USP34: variants seen among roughly 807,000 people sequenced by gnomAD.
The protein encoded by USP34 is ubiquitin specific peptidase 34.
In USP34, 70 loss-of-function variants were observed where a neutral mutation model predicts 460.3. The ratio of observed to expected loss-of-function variants is 0.15; its 90% CI spans 0.13 to 0.19. The LOEUF is 0.19. Ranked by LOEUF, USP34 falls within the 10% of genes least tolerant of loss-of-function variation. The pLI is 1.00. For synonymous variants in USP34, 1,647 were observed against 1,405.3 expected, an observed-to-expected ratio of 1.17 and a Z score of -3.85; for missense variants, 3,985 against 4,236.2, an observed-to-expected ratio of 0.94 and a Z score of 1.65.
intron 34 of USP34, among the ~76,000 whole-genome samples, chr2:61,286,741 G>A (rs1297734749): frequency 1.3e-5 from 2 of 152,154 alleles, no homozygotes; most frequent in Non-Finnish European, 2.9e-5. Flanking sequence ...AGTCACCTAT[G>A]ACTAGGGAAA....
At chr2:61,433,341 A>G (rs1033627744) in intron 1 of USP34, among the ~76,000 whole-genome samples, 12 of 152,184 alleles carry the variant, frequency 7.9e-5, no homozygotes, top group Admixed American at 7.9e-4. Context: ...ACTCCTTACA[A>G]GTGGCGAATC....
At chr2:61,295,128 G>A in intron 31 of USP34, 40 bp downstream of exon 31, 1 of 1,598,418 alleles carries the variant, frequency 6.3e-7, no homozygotes, top group African/African-American at 1.4e-5. Flanking sequence ...GCTCCAGAGA[G>A]AATACAAACA....
chr2:61,344,136 C>G, intron 15 of USP34, 107 bp from the exon 16 acceptor site: 1 of 977,632 alleles, frequency 1.0e-6, no homozygotes, highest in Non-Finnish European at 1.5e-6. Context: ...AGAAACAAAC[C>G]GACATCTGCT....
intron 15 of USP34, among the ~76,000 whole-genome samples, chr2:61,347,363 G>A (rs1232276306): frequency 6.6e-6 from 1 of 151,930 alleles, no homozygotes; most frequent in Non-Finnish European, 1.5e-5. Context: ...TTAACAACCT[G>A]GTTTTTTATT....
At chr2:61,334,051 A>G (rs1479496535) in intron 18 of USP34, 80 bp from the exon 19 acceptor site, 23 of 1,000,624 alleles carry the variant, frequency 2.3e-5, no homozygotes, top group Non-Finnish European at 3.3e-5. Flanking sequence ...TTTAAATGCT[A>G]AAAGATTTAA....
At chr2:61,239,300 T>TCTCACACACA (rs1213558114) in intron 53 of USP34, among the ~76,000 whole-genome samples, 186 of 132,854 alleles carry the variant, frequency 1.4e-3, no homozygotes, top group African/African-American at 5.0e-3. Context: ...GAGGGCCCTG[T>TCTCACACACA]CACACACACA....
chr2:61,271,187 G>A (rs377497960), intron 41 of USP34, among the ~76,000 whole-genome samples: 27 of 152,188 alleles, frequency 1.8e-4, no homozygotes, highest in South Asian at 4.1e-4. Context: ...TGTAATCCCA[G>A]CTACTCTTTG....
At chr2:61,409,585 G>A (rs896752738) in intron 2 of USP34, among the ~76,000 whole-genome samples, 38 of 151,988 alleles carry the variant, frequency 2.5e-4, no homozygotes, top group Non-Finnish European at 4.3e-4. Context: ...ATGGTGGCGG[G>A]TGCCTGTAAT....
intron 61 of USP34, among the ~76,000 whole-genome samples, chr2:61,228,314 A>C (rs1292307077): frequency 6.6e-6 from 1 of 152,236 alleles, no homozygotes; most frequent in Non-Finnish European, 1.5e-5. Flanking sequence ...TCATAAACTT[A>C]ATAGCAAAGA....
intron 3 of USP34, among the ~76,000 whole-genome samples, chr2:61,402,710 G>C (rs1173825607): frequency 6.6e-6 from 1 of 151,970 alleles, no homozygotes; most frequent in Non-Finnish European, 1.5e-5. Context: ...CAAAATCAAA[G>C]GCTTAAGAAA....
chr2:61,218,225 T>A (rs1687459191), intron 67 of USP34, among the ~76,000 whole-genome samples: 1 of 149,220 alleles, frequency 6.7e-6, no homozygotes. Context: ...CTGGCACACA[T>A]CTCTTTGTTA....
intron 8 of USP34, among the ~76,000 whole-genome samples, chr2:61,372,514 G>A (rs1229993392): frequency 1.3e-5 from 2 of 152,140 alleles, no homozygotes; most frequent in Admixed American, 1.3e-4. Context: ...GGGACTGCTT[G>A]AGCCTAGGAG....
At chr2:61,203,507 T>C (rs1400234573) in intron 74 of USP34, among the ~76,000 whole-genome samples, 1 of 152,194 alleles carries the variant, frequency 6.6e-6, no homozygotes, top group Non-Finnish European at 1.5e-5. Flanking sequence ...GTAAAATTAC[T>C]GTAGGATTTT....
At chr2:61,246,554 C>CT in intron 49 of USP34, 77 bp from the exon 50 acceptor site, 1 of 968,068 alleles carries the variant, frequency 1.0e-6, no homozygotes, top group South Asian at 3.9e-5. Context: ...TTAAAATAAA[C>CT]TTTATCAATT....
chr2:61,467,168 T>C (rs2104121501), intron 1 of USP34, among the ~76,000 whole-genome samples: 1 of 151,772 alleles, frequency 6.6e-6, no homozygotes, highest in African/African-American at 2.4e-5. Context: ...CTGGGCATGG[T>C]GACGTGTGCC....
intron 41 of USP34, among the ~76,000 whole-genome samples, chr2:61,275,805 T>C (rs1283932776): frequency 6.6e-6 from 1 of 152,210 alleles, no homozygotes; most frequent in Non-Finnish European, 1.5e-5. Flanking sequence ...AACCTGTCTA[T>C]GCCTCAGTTT....
chr2:61,236,561 C>T (rs1688073916), intron 53 of USP34, among the ~76,000 whole-genome samples, 172 bp from the exon 54 acceptor site: 1 of 149,340 alleles, frequency 6.7e-6, no homozygotes, highest in Non-Finnish European at 1.5e-5. Flanking sequence ...ATGGTTGCTA[C>T]TAATATTTTG....
At chr2:61,469,201 CTG>C (rs1336800850) in intron 1 of USP34, among the ~76,000 whole-genome samples, 1 of 151,876 alleles carries the variant, frequency 6.6e-6, no homozygotes, top group Admixed American at 6.6e-5. Context: ...GAGCAAAACT[CTG>C]TCTCAAGAAA....
chr2:61,430,984 G>A (rs1240224093), intron 1 of USP34, among the ~76,000 whole-genome samples: 1 of 151,894 alleles, frequency 6.6e-6, no homozygotes, highest in Non-Finnish European at 1.5e-5. Flanking sequence ...TGAAGCCTGG[G>A]CAACAAGACC....
Sources: gnomAD v4.1 joint callset for allele counts (sites outside exome capture counted in the v4.1 genomes callset) on GRCh38, gnomAD v4.1.1 for gene constraint, MANE v1.5 for transcripts, NCBI Gene and HGNC (gene_info 2026-07-23, HGNC 2026-07-21) for gene names.